NPAS3: variants seen among roughly 807,000 people sequenced by gnomAD.
NPAS3 encodes the protein neuronal PAS domain-containing protein 3.
In NPAS3, 14 loss-of-function variants were observed where a neutral mutation model predicts 73.1. The ratio of observed to expected loss-of-function variants is 0.19; its 90% confidence interval spans 0.13 to 0.30. NPAS3 has a LOEUF of 0.30. NPAS3 is among the 10% of genes least tolerant of loss of function. The probability of loss-of-function intolerance (pLI) is 1.00; values close to 1 mark genes in which losing one functional copy is unlikely to be tolerated. For synonymous variants in NPAS3, 620 were observed against 541.5 expected (o/e 1.14, Z -2.01); for missense variants, 1,096 against 1,250.0 (o/e 0.88, Z 1.86).
At chr14:33,322,830 C>A (rs1318680533) in intron 3 of NPAS3, among the ~76,000 whole-genome samples, 1 of 151,998 alleles carries the variant, frequency 6.6e-6, no homozygotes. Flanking sequence ...GACATCCTTC[C>A]CCTTAGGTGG....
Position 33,544,839 on chromosome 14 carries a change from ATATT to A in NPAS3, c.469-15281_469-15278del, listed in dbSNP as rs2054760062. 2.3e-5 allele frequency among the ~76,000 whole-genome samples: 3 copies of A among 128,468 alleles called. 1 individual carries two copies. Among genetic ancestry groups the A allele is most frequent in the African/African-American group, 9.9e-5 (3 of 30,358 alleles). 84.3% of individuals were successfully genotyped at this position (128,468 alleles called of 152,430 possible). A position where few individuals can be genotyped will look rare whatever the true frequency, so the allele number is the denominator to read the frequency against. ...ATATATAATATATATGTGTATATAT[ATATT>A]ATATATATGTGTATATATAATATAT... On this transcript the variant is annotated intron_variant, in intron 4 of 11. Transcript: ENST00000356141.
chr14:33,298,222 G>C (rs796132570), intron 3 of NPAS3, among the ~76,000 whole-genome samples: 1 of 152,188 alleles, frequency 6.6e-6, no homozygotes, highest in East Asian at 1.9e-4. Flanking sequence ...GGTGGAGGTT[G>C]CAGTGAGCCA....
chr14:33,263,147 G>A (rs1015629393), intron 3 of NPAS3, among the ~76,000 whole-genome samples: 1 of 152,094 alleles, frequency 6.6e-6, no homozygotes, highest in Non-Finnish European at 1.5e-5. Context: ...GTCAATTTTG[G>A]CTTTTGTTGC....
At chr14:33,560,609 A>G (rs1000392553) in intron 5 of NPAS3, among the ~76,000 whole-genome samples, 3 of 152,180 alleles carry the variant, frequency 2.0e-5, no homozygotes, top group Non-Finnish European at 2.9e-5. Context: ...CAATGGCAGG[A>G]GTCATTTGGA....
intron 7 of NPAS3, among the ~76,000 whole-genome samples, chr14:33,746,338 G>A (rs2061796001): frequency 6.6e-6 from 1 of 151,564 alleles, no homozygotes; most frequent in Admixed American, 6.6e-5. Context: ...ACAGATGCCT[G>A]CCACCATGCC....
At chr14:33,261,821 A>G (rs2048986041) in intron 3 of NPAS3, among the ~76,000 whole-genome samples, 1 of 152,174 alleles carries the variant, frequency 6.6e-6, no homozygotes, top group Non-Finnish European at 1.5e-5. Context: ...TCCTAAAGCA[A>G]TGTGAGGAAA....
chr14:32,954,994 G>A (rs1292807756), intron 1 of NPAS3, among the ~76,000 whole-genome samples: 1 of 152,056 alleles, frequency 6.6e-6, no homozygotes, highest in Non-Finnish European at 1.5e-5. Flanking sequence ...CATGCATTTT[G>A]TAAATTATGG....
intron 2 of NPAS3, among the ~76,000 whole-genome samples, chr14:33,173,313 A>G (rs2045464643): frequency 6.6e-6 from 1 of 152,208 alleles, no homozygotes; most frequent in South Asian, 2.1e-4. Flanking sequence ...TGATGCCACT[A>G]TAATATTAAT....
At chr14:33,747,075 A>G (rs1326167971) in intron 7 of NPAS3, among the ~76,000 whole-genome samples, 1 of 152,080 alleles carries the variant, frequency 6.6e-6, no homozygotes, top group African/African-American at 2.4e-5. Context: ...TGACCCAGCC[A>G]TCCCATTACT....
chr14:33,765,652 A>G (rs944380341), intron 7 of NPAS3, among the ~76,000 whole-genome samples: 12 of 152,254 alleles, frequency 7.9e-5, no homozygotes, highest in African/African-American at 2.9e-4. Context: ...TCTACAGAGT[A>G]GGATTTTTTT....
chr14:32,974,725 A>G (rs2037581832), intron 1 of NPAS3, among the ~76,000 whole-genome samples: 2 of 152,146 alleles, frequency 1.3e-5, no homozygotes, highest in Non-Finnish European at 2.9e-5. Flanking sequence ...CTGGAGGTCC[A>G]GCCACTTTCT....
intron 2 of NPAS3, among the ~76,000 whole-genome samples, chr14:33,095,743 ACTGCAAGCTCCG>A (rs1414205638): frequency 1.4e-4 from 20 of 140,226 alleles, no homozygotes; most frequent in African/African-American, 5.5e-4. Flanking sequence ...ATCTGGACTC[ACTGCAAGCTCCG>A]CCTCCCGGGT....
intron 4 of NPAS3, among the ~76,000 whole-genome samples, chr14:33,440,073 GC>G (rs2049172998): frequency 6.7e-6 from 1 of 149,598 alleles, no homozygotes; most frequent in African/African-American, 2.5e-5. Context: ...CCCAGATCGT[GC>G]CACTGCACTC....
At chr14:33,545,973 C>T (rs2054824443) in intron 4 of NPAS3, among the ~76,000 whole-genome samples, 1 of 152,186 alleles carries the variant, frequency 6.6e-6, no homozygotes, top group African/African-American at 2.4e-5. Flanking sequence ...GGAACCTGCT[C>T]TCAGAAGTAG....
At chr14:33,263,909 A>G (rs148784402) in intron 3 of NPAS3, among the ~76,000 whole-genome samples, 9,469 of 152,216 alleles carry the variant, frequency 0.062, 366 homozygotes, top group East Asian at 0.14. Flanking sequence ...TGACCCAGCC[A>G]TCCCATTACT....
intron 3 of NPAS3, among the ~76,000 whole-genome samples, chr14:33,267,940 G>C (rs758579371): frequency 6.6e-6 from 1 of 152,134 alleles, no homozygotes; most frequent in Non-Finnish European, 1.5e-5. Context: ...GAAGAATTTG[G>C]CATCTACTTG....
chr14:33,057,400 G>T (rs537743724), intron 2 of NPAS3, among the ~76,000 whole-genome samples: 1 of 152,124 alleles, frequency 6.6e-6, no homozygotes, highest in Admixed American at 6.5e-5. Context: ...TGGATTTGTT[G>T]TATACTTTGA....
rs997831137 is a variant in NPAS3, at chr14:33,358,724, C to A, written c.386-8462C>A. Among the ~76,000 whole-genome samples, 11 of 152,158 alleles carry A rather than the reference C, an allele frequency of 7.2e-5. No individual in the cohort carries two copies. The South Asian group carries it at 2.1e-3, about 29-fold the overall frequency. ...GGAGATGCCTTTTCAATTTTATATTCCCTGACACAGTGTCCAGCACAGATA... is the reference window on the plus strand; with the variant it reads ...GGAGATGCCTTTTCAATTTTATATTACCTGACACAGTGTCCAGCACAGATA... On this transcript the variant is annotated intron_variant, in intron 3 of 11. Transcript: ENST00000356141.
In NPAS3 at chr14:32,957,376, T is replaced by C. The variant is rs2036715140; in HGVS notation, c.50+18010T>C. 2.0e-5 allele frequency among the ~76,000 whole-genome samples: 3 copies of C among 151,496 alleles called. No homozygotes were observed. In the South Asian group the frequency reaches 6.2e-4, roughly 32 times the overall value. ...TTATTATAAGTATTCATTTTCATTT[T>C]TTTTTTTTTTTTGGAAATGGAGTCT... On this transcript the variant is annotated intron_variant, in intron 1 of 11. Coordinates refer to ENST00000356141, the Ensembl canonical transcript of NPAS3.
Sources: allele counts gnomAD v4.1 joint callset (sites outside exome capture counted in the v4.1 genomes callset), GRCh38; gene constraint gnomAD v4.1.1; transcripts MANE v1.5; gene names NCBI Gene and HGNC (gene_info 2026-07-23, HGNC 2026-07-21).